GPR63: variants seen among roughly 807,000 people sequenced by gnomAD.
The protein encoded by GPR63 is probable G protein-coupled receptor 63.
In GPR63, 12 loss-of-function variants were observed where a neutral mutation model predicts 23.1. That is an observed-to-expected ratio of 0.52 (90% CI 0.33 to 0.84). The LOEUF (loss-of-function observed/expected upper bound fraction) is 0.84. Ranked by LOEUF, GPR63 falls within the 40% of genes least tolerant of loss-of-function variation. The probability of loss-of-function intolerance (pLI) is 0.02; values close to 1 mark genes in which losing one functional copy is unlikely to be tolerated. For missense variants in GPR63, 472 were observed against 515.6 expected (o/e 0.92, Z 0.82); for synonymous variants, 172 against 191.1 (o/e 0.90, Z 0.82).
chr6:96,818,312 A>G (rs1774214621), intron 1 of GPR63, among the ~76,000 whole-genome samples: 1 of 152,024 alleles, frequency 6.6e-6, no homozygotes, highest in Admixed American at 6.6e-5. Flanking sequence ...AAAATACAAA[A>G]ATTAGCCAAG....
At chr6:96,811,507 A>G (rs1774042985) in intron 1 of GPR63, among the ~76,000 whole-genome samples, 1 of 152,208 alleles carries the variant, frequency 6.6e-6, no homozygotes, top group Admixed American at 6.5e-5. Context: ...CTTGAAGAGA[A>G]AAGATGTCAC....
chr6:96,835,775 T>A (rs906838525), intron 1 of GPR63, among the ~76,000 whole-genome samples: 4 of 152,142 alleles, frequency 2.6e-5, no homozygotes, highest in Admixed American at 2.6e-4. Context: ...AAAATCTATA[T>A]CCCAAACAAA....
chr6:96,804,743 G>A, intron 1 of GPR63, among the ~76,000 whole-genome samples: 1 of 151,930 alleles, frequency 6.6e-6, no homozygotes, highest in East Asian at 1.9e-4. Context: ...ATTAACTCCT[G>A]ATTTCCTGTA....
chr6:96,814,543 G>A (rs1774116458), intron 1 of GPR63, among the ~76,000 whole-genome samples: 1 of 152,122 alleles, frequency 6.6e-6, no homozygotes, highest in Non-Finnish European at 1.5e-5. Flanking sequence ...CACACAGCTG[G>A]TGGGAGGACC....
At chr6:96,828,823 G>A (rs998108142) in intron 1 of GPR63, among the ~76,000 whole-genome samples, 1 of 151,988 alleles carries the variant, frequency 6.6e-6, no homozygotes, top group Non-Finnish European at 1.5e-5. Context: ...GGAAAGGTGT[G>A]TCAAGCCCAT....
intron 1 of GPR63, among the ~76,000 whole-genome samples, chr6:96,834,414 C>T (rs1029194208): frequency 2.0e-5 from 3 of 152,146 alleles, no homozygotes; most frequent in African/African-American, 7.2e-5. Context: ...ATCACATCAG[C>T]TCTTAAGATC....
chr6:96,810,224 G>A lies in GPR63; in HGVS notation c.-150-10343C>T, dbSNP rs558282647. 1.2e-3 allele frequency among the ~76,000 whole-genome samples: 182 copies of A among 152,210 alleles called. 4 individuals are homozygous for A. The South Asian group carries it at 0.036, about 30-fold the overall frequency. On this transcript the variant is annotated intron_variant, in intron 1 of 1. Transcript: ENST00000229955. Reference sequence around the variant, plus strand: ...ATAACAGTTAAATAAACTGGGGCGCGGTGGCTCACACCTGTAATCCCAGCA... The same window carrying A: ...ATAACAGTTAAATAAACTGGGGCGCAGTGGCTCACACCTGTAATCCCAGCA...
In GPR63 at chr6:96,796,557, T is replaced by C. The variant is rs1773583356; in HGVS notation, c.*1915A>G. The C allele has an allele frequency of 6.6e-6, 1 of 152,202 alleles. No homozygotes were observed. The highest frequency in any genetic ancestry group is 1.5e-5 in the Non-Finnish European group (1 of 68,038). 9.4% of individuals were successfully genotyped at this position (152,202 alleles called of 1,614,324 possible). A position where few individuals can be genotyped will look rare whatever the true frequency, so the allele number is the denominator to read the frequency against. ...GCCCTAGATGCACCTGGGGGCAGAC[T>C]GTCAGCAAGAGAAAAACAATTTGAA... is the stretch of plus-strand genomic sequence containing the variant. On this transcript the variant is annotated 3_prime_UTR_variant, in exon 2 of 2. Transcript: ENST00000229955.
chr6:96,811,013 T>C (rs974367834), intron 1 of GPR63, among the ~76,000 whole-genome samples: 6 of 152,152 alleles, frequency 3.9e-5, no homozygotes, highest in Non-Finnish European at 7.3e-5. Flanking sequence ...ACAATAACCA[T>C]GTATGCCACT....
At chr6:96,836,806 C>A (rs1774742206) in intron 1 of GPR63, among the ~76,000 whole-genome samples, 1 of 152,070 alleles carries the variant, frequency 6.6e-6, no homozygotes, top group South Asian at 2.1e-4. Context: ...TTCGCTCTCG[C>A]AAACAAGGTA....
At chr6:96,807,705 C>CTTTATGCTTCTGG (rs1250609131) in intron 1 of GPR63, among the ~76,000 whole-genome samples, 2 of 152,094 alleles carry the variant, frequency 1.3e-5, no homozygotes, top group Non-Finnish European at 2.9e-5. Context: ...TATCCAGAAG[C>CTTTATGCTTCTGG]ATAAAGGAAT....
chr6:96,831,465 G>A (rs575885181), intron 1 of GPR63, among the ~76,000 whole-genome samples: 1 of 151,234 alleles, frequency 6.6e-6, no homozygotes, highest in East Asian at 1.9e-4. Flanking sequence ...AAGATAAACA[G>A]GGAAGACAAT....
At chr6:96,830,711 G>A (rs1363687219) in intron 1 of GPR63, among the ~76,000 whole-genome samples, 2 of 152,158 alleles carry the variant, frequency 1.3e-5, no homozygotes, top group Admixed American at 6.5e-5. Context: ...GCATTCACTT[G>A]GAACATGTTT....
intron 1 of GPR63, among the ~76,000 whole-genome samples, chr6:96,814,169 T>A (rs1582261618): frequency 6.6e-6 from 1 of 151,596 alleles, no homozygotes; most frequent in Non-Finnish European, 1.5e-5. Context: ...TATAAAACCT[T>A]AAGTTTTCAA....
intron 1 of GPR63, among the ~76,000 whole-genome samples, chr6:96,814,350 C>A (rs1774111662): frequency 6.6e-6 from 1 of 151,796 alleles, no homozygotes; most frequent in African/African-American, 2.4e-5. Flanking sequence ...AAGCCTTATC[C>A]CAGAAAAAGA....
intron 1 of GPR63, among the ~76,000 whole-genome samples, chr6:96,802,797 G>A (rs935115892): frequency 1.3e-5 from 2 of 151,890 alleles, no homozygotes. Context: ...AAAGCAAATG[G>A]TGTTGTAGTA....
At chr6:96,801,537 C>G (rs1194587087) in intron 1 of GPR63, among the ~76,000 whole-genome samples, 1 of 152,168 alleles carries the variant, frequency 6.6e-6, no homozygotes, top group Non-Finnish European at 1.5e-5. Flanking sequence ...AAATTTCATT[C>G]ATTCATTTAC....
At chr6:96,809,245 C>A (rs1485448152) in intron 1 of GPR63, among the ~76,000 whole-genome samples, 1 of 152,122 alleles carries the variant, frequency 6.6e-6, no homozygotes, top group African/African-American at 2.4e-5. Flanking sequence ...CTAGGAGAAT[C>A]CTGCTATCTT....
intron 1 of GPR63, among the ~76,000 whole-genome samples, chr6:96,809,125 A>G (rs1773976049): frequency 6.6e-6 from 1 of 151,874 alleles, no homozygotes; most frequent in Non-Finnish European, 1.5e-5. Flanking sequence ...CTCCCTTTCT[A>G]ATCTCCAATA....
Sources: allele counts gnomAD v4.1 joint callset (sites outside exome capture counted in the v4.1 genomes callset), GRCh38; gene constraint gnomAD v4.1.1; transcripts MANE v1.5; gene names NCBI Gene and HGNC (gene_info 2026-07-23, HGNC 2026-07-21).